Variants in PPP1R9A observed in about 807,000 individuals in gnomAD.
PPP1R9A encodes the protein protein phosphatase 1 regulatory subunit 9A.
PPP1R9A carries 59 observed loss-of-function variants against 141.9 expected under a neutral mutation model. The observed-to-expected ratio is 0.42, with a 90% CI of 0.34 to 0.52. PPP1R9A has a LOEUF of 0.52. Among genes scored for constraint, PPP1R9A ranks in the 20% least tolerant of loss-of-function variants. The probability of loss-of-function intolerance (pLI) is 0.10; values close to 1 mark genes in which losing one functional copy is unlikely to be tolerated. For missense variants in PPP1R9A, 1,444 were observed against 1,611.9 expected, an observed-to-expected ratio of 0.90 and a Z score of 1.78; for synonymous variants, 500 against 569.7, an observed-to-expected ratio of 0.88 and a Z score of 1.74.
At chr7:95,065,927 A>T (rs1812872365) in intron 2 of PPP1R9A, among the ~76,000 whole-genome samples, 5 of 152,204 alleles carry the variant, frequency 3.3e-5, no homozygotes, top group Admixed American at 3.3e-4. Flanking sequence ...TGTGGTCACT[A>T]CTTTTTCATC....
chr7:94,916,429 C>T (rs1584193701), intron 2 of PPP1R9A, among the ~76,000 whole-genome samples: 1 of 152,116 alleles, frequency 6.6e-6, no homozygotes, highest in Non-Finnish European at 1.5e-5. Context: ...AAGTGGCTGG[C>T]CATAGCATGT....
intron 5 of PPP1R9A, among the ~76,000 whole-genome samples, chr7:95,197,764 T>C (rs1211139376): frequency 6.6e-6 from 1 of 152,138 alleles, no homozygotes; most frequent in Admixed American, 6.5e-5. Flanking sequence ...TTCTCCTGCC[T>C]CAGCCTCCAG....
intron 8 of PPP1R9A, among the ~76,000 whole-genome samples, chr7:95,239,294 AT>A (rs1257361122): frequency 1.3e-5 from 2 of 152,236 alleles, no homozygotes; most frequent in Non-Finnish European, 2.9e-5. Context: ...ACCTTTAAGT[AT>A]ACTTTGATGT....
At chr7:95,094,970 G>A (rs2152363608) in intron 2 of PPP1R9A, among the ~76,000 whole-genome samples, 1 of 149,752 alleles carries the variant, frequency 6.7e-6, no homozygotes, top group Non-Finnish European at 1.5e-5. Flanking sequence ...AAGTTTGGTT[G>A]TGTGATTGAC....
Position 95,226,060 on chromosome 7 carries a change from G to T in PPP1R9A, c.2056G>T (p.Asp686Tyr). The change falls in exon 8 of 20, where the codon GAC becomes TAC. Residue 686 changes from aspartate to tyrosine, a missense_variant. Physicochemically the swap from Asp to Tyr is radical, Grantham distance 160 (BLOSUM62 -3). Coordinates refer to ENST00000433360, the MANE Select transcript of PPP1R9A (RefSeq NM_001166160.2). The stretch of plus-strand genomic sequence containing the variant: ...AGTCTTTGAGCTGCCTGAGAATGAG[G>T]ACATGTTTTCCCCATCAGAACTGGA... ...IEVFELPENE[D>Y]MFSPSELDTS... The T allele has an allele frequency of 6.2e-7, 1 of 1,613,554 alleles. No individual in the cohort carries two copies. Among genetic ancestry groups the T allele is most frequent in the Non-Finnish European group, 8.5e-7 (1 of 1,179,654 alleles).
intron 2 of PPP1R9A, among the ~76,000 whole-genome samples, chr7:95,087,910 A>AG (rs935033800): frequency 8.0e-5 from 12 of 149,538 alleles, no homozygotes; most frequent in African/African-American, 5.0e-5. Flanking sequence ...AAAGAGAGAG[A>AG]GAAAAAAAAA....
At chr7:94,988,655 C>T (rs73425023) in intron 2 of PPP1R9A, among the ~76,000 whole-genome samples, 3,769 of 152,010 alleles carry the variant, frequency 0.025, 170 homozygotes, top group African/African-American at 0.086. Flanking sequence ...AAATGAGAAA[C>T]GTCTACTTTC....
At chr7:95,089,326 C>T (rs1018082960) in intron 2 of PPP1R9A, among the ~76,000 whole-genome samples, 6 of 151,984 alleles carry the variant, frequency 3.9e-5, no homozygotes, top group Non-Finnish European at 8.8e-5. Flanking sequence ...CCATCTCTTT[C>T]ATGTGAAAGG....
chr7:94,914,322 T>G (rs1487851424), intron 2 of PPP1R9A, among the ~76,000 whole-genome samples: 1 of 152,214 alleles, frequency 6.6e-6, no homozygotes, highest in East Asian at 1.9e-4. Context: ...CAGTTCTTTT[T>G]ATAGATGTTT....
At chr7:94,979,994 G>T (rs1008320501) in intron 2 of PPP1R9A, among the ~76,000 whole-genome samples, 2 of 151,996 alleles carry the variant, frequency 1.3e-5, no homozygotes, top group East Asian at 3.9e-4. Context: ...TTGTGAATTG[G>T]TATAATTGTC....
At chr7:95,080,428 T>G (rs1815624895) in intron 2 of PPP1R9A, among the ~76,000 whole-genome samples, 1 of 151,940 alleles carries the variant, frequency 6.6e-6, no homozygotes, top group African/African-American at 2.4e-5. Flanking sequence ...CACTGCTCAG[T>G]GAAATAAAAG....
chr7:94,942,803 CAATAAATAAATAAATAAATAAATA>C (rs142643808), intron 2 of PPP1R9A, among the ~76,000 whole-genome samples: 73 of 137,384 alleles, frequency 5.3e-4, no homozygotes, highest in East Asian at 4.7e-3. Flanking sequence ...GACTGTCTCT[CAATAAATAAATAAATAAATAAATA>C]AATAAATAAA....
At chr7:94,908,224 G>C (rs933630822) in intron 1 of PPP1R9A, 1 of 151,296 alleles carries the variant, frequency 6.6e-6, no homozygotes, top group Non-Finnish European at 1.5e-5. Flanking sequence ...CTGAGTTGCA[G>C]GCTGGGGGTG....
intron 2 of PPP1R9A, among the ~76,000 whole-genome samples, chr7:95,107,466 G>A (rs1312594426): frequency 6.6e-6 from 1 of 151,898 alleles, no homozygotes; most frequent in Non-Finnish European, 1.5e-5. Flanking sequence ...TAACCTGTTA[G>A]CTAAACATTG....
chr7:95,228,538 A>G (rs1457401412), intron 8 of PPP1R9A, among the ~76,000 whole-genome samples: 1 of 152,182 alleles, frequency 6.6e-6, no homozygotes, highest in African/African-American at 2.4e-5. Context: ...TTATGGCTTC[A>G]TAGTCTGCTC....
chr7:94,975,297 C>T (rs1799303933), intron 2 of PPP1R9A, among the ~76,000 whole-genome samples: 1 of 149,548 alleles, frequency 6.7e-6, no homozygotes, highest in African/African-American at 2.5e-5. Context: ...AGCTTTGCTG[C>T]AGATTTATAA....
chr7:94,993,154 C>CT (rs1478394011), intron 2 of PPP1R9A, among the ~76,000 whole-genome samples: 10 of 151,592 alleles, frequency 6.6e-5, no homozygotes, highest in Admixed American at 6.6e-4. Flanking sequence ...AAAGACCATC[C>CT]TTTTTCTACA....
intron 4 of PPP1R9A, among the ~76,000 whole-genome samples, chr7:95,152,398 C>T (rs1828860548): frequency 6.6e-6 from 1 of 152,088 alleles, no homozygotes; most frequent in African/African-American, 2.4e-5. Context: ...ATGCATTCTT[C>T]TTTCTAATTT....
intron 2 of PPP1R9A, among the ~76,000 whole-genome samples, chr7:94,916,080 A>G (rs1792040656): frequency 6.6e-6 from 1 of 152,054 alleles, no homozygotes; most frequent in South Asian, 2.1e-4. Flanking sequence ...CAGCTTACCT[A>G]TTTATTACGC....
Sources: gnomAD v4.1 joint callset for allele counts (sites outside exome capture counted in the v4.1 genomes callset) on GRCh38, gnomAD v4.1.1 for gene constraint, MANE v1.5 for transcripts, NCBI Gene and HGNC (gene_info 2026-07-23, HGNC 2026-07-21) for gene names.